HMGB1: variants seen among roughly 807,000 people sequenced by gnomAD.
HMGB1 encodes high mobility group protein B1.
For synonymous variants in HMGB1, 81 were observed against 84.0 expected (o/e 0.96, Z 0.19); for missense variants, 79 against 253.5 (o/e 0.31, Z 4.67).
chr13:30,468,873 C>T (rs572578453), upstream of HMGB1, among the ~76,000 whole-genome samples: 15 of 152,164 alleles, frequency 9.9e-5, no homozygotes, highest in Non-Finnish European at 1.6e-4. Context: ...TTTTACTTTA[C>T]AGTTATTGGG....
At chr13:30,605,578 C>A (rs748019703) in intron 1 of HMGB1, among the ~76,000 whole-genome samples, 1 of 152,144 alleles carries the variant, frequency 6.6e-6, no homozygotes, top group Non-Finnish European at 1.5e-5. Flanking sequence ...CCAATGCCGA[C>A]GTGGAAATGA....
chr13:30,471,654 CTTTTTTTTTT>C (rs1171119586), intron 1 of HMGB1, among the ~76,000 whole-genome samples: 2 of 30,616 alleles, frequency 6.5e-5, no homozygotes, highest in Non-Finnish European at 1.1e-4. Context: ...CGTGCCCGGC[CTTTTTTTTTT>C]TTTTTTTTTT....
intron 4 of HMGB1, 75 bp from the exon 5 acceptor site, chr13:30,461,608 T>A: frequency 6.4e-7 from 1 of 1,574,750 alleles, no homozygotes; most frequent in African/African-American, 1.4e-5. Context: ...ATGGCAGAAC[T>A]TTATGAAAGA....
At chr13:30,523,935 G>T (rs955647655) in intron 1 of HMGB1, among the ~76,000 whole-genome samples, 4 of 151,690 alleles carry the variant, frequency 2.6e-5, no homozygotes, top group Non-Finnish European at 4.4e-5. Flanking sequence ...GTAGAGAGGG[G>T]GTGTATTAGT....
rs969248 is a variant in HMGB1 at position 30,463,076 on chromosome 13, A to G, written c.296+131T>C. 17,105 of 919,330 alleles carry G rather than the reference A, an allele frequency of 0.019. 1,870 individuals carry two copies. In the African/African-American group the frequency reaches 0.25, roughly 13 times the overall value. The allele number at this position is 919,330 out of a possible 1,614,324, so 56.9% of individuals were successfully genotyped here. On this transcript the variant is annotated intron_variant, in intron 3 of 4. Transcript: ENST00000341423. ...ATTTTATACTATTTAAATATAACCA[A>G]TATGAACAAGTATTAGCTAAGAAAC...
At chr13:30,472,472 A>G (rs1411530579) in intron 1 of HMGB1, among the ~76,000 whole-genome samples, 1 of 152,146 alleles carries the variant, frequency 6.6e-6, no homozygotes, top group Admixed American at 6.6e-5. Flanking sequence ...ATGGTGGCGC[A>G]CACCTGTACT....
intron 1 of HMGB1, among the ~76,000 whole-genome samples, chr13:30,571,057 C>T (rs1210693379): frequency 3.3e-5 from 5 of 152,072 alleles, no homozygotes; most frequent in African/African-American, 1.2e-4. Context: ...GCATTCATTA[C>T]ATATATTTTC....
intron 1 of HMGB1, among the ~76,000 whole-genome samples, chr13:30,553,230 T>C (rs1451178103): frequency 2.6e-5 from 4 of 152,348 alleles, no homozygotes; most frequent in Middle Eastern, 3.4e-3. Flanking sequence ...GTCATTCTTC[T>C]GTCTTATCAC....
At chr13:30,578,686 A>T (rs1277686682) in intron 1 of HMGB1, among the ~76,000 whole-genome samples, 1 of 152,160 alleles carries the variant, frequency 6.6e-6, no homozygotes, top group East Asian at 1.9e-4. Context: ...ATATAAGAAG[A>T]AAGTCTAACC....
At chr13:30,499,565 T>A (rs1887689155) in intron 1 of HMGB1, among the ~76,000 whole-genome samples, 1 of 152,216 alleles carries the variant, frequency 6.6e-6, no homozygotes, top group Non-Finnish European at 1.5e-5. Context: ...ATCTTTCCAT[T>A]GTCATGAACA....
chr13:30,465,193 G>GGCT, intron 1 of HMGB1: 3 of 780,336 alleles, frequency 3.8e-6, no homozygotes, highest in Admixed American at 7.2e-5. Flanking sequence ...CCCGCCGCCC[G>GGCT]GCCGCCGCCG....
Position 30,459,375 on chromosome 13 carries a change from C to T in HMGB1, c.*1982G>A, listed in dbSNP as rs568918568. ...CTTAAAAAAATGGTAGTTGTCATGA[C>T]GTACCTACTAAAGTTACAAATTCTC... On this transcript the variant is annotated 3_prime_UTR_variant, in exon 5 of 5. Transcript: ENST00000341423. 6 of 152,116 alleles carry T rather than the reference C, an allele frequency of 3.9e-5. 1 individual carries two copies. In the South Asian group the frequency reaches 6.2e-4, roughly 16 times the overall value. 9.4% of individuals were successfully genotyped at this position (152,116 alleles called of 1,614,324 possible). A position where few individuals can be genotyped will look rare whatever the true frequency, so the allele number is the denominator to read the frequency against.
chr13:30,502,648 A>ATTTATTTTAT (rs56283529), intron 1 of HMGB1, among the ~76,000 whole-genome samples: 117,296 of 146,218 alleles, frequency 0.8, 51,574 homozygotes, highest in Non-Finnish European at 0.96. Context: ...ACTTTATTTT[A>ATTTATTTTAT]TTTATTTTAT....
intron 1 of HMGB1, among the ~76,000 whole-genome samples, chr13:30,521,414 C>T (rs1888235186): frequency 6.6e-6 from 1 of 152,184 alleles, no homozygotes; most frequent in Non-Finnish European, 1.5e-5. Flanking sequence ...CATTAATCTA[C>T]TTTTTATCTC....
At chr13:30,477,148 C>T (rs535751256) in intron 1 of HMGB1, among the ~76,000 whole-genome samples, 4 of 152,278 alleles carry the variant, frequency 2.6e-5, no homozygotes, top group East Asian at 3.9e-4. Context: ...CATAGGAATA[C>T]TGACATACGT....
At chr13:30,576,678 C>A (rs17074754) in intron 1 of HMGB1, among the ~76,000 whole-genome samples, 17,433 of 151,718 alleles carry the variant, frequency 0.11, 2,578 homozygotes, top group African/African-American at 0.35. Context: ...CGCTGCCTCT[C>A]TCCACATCAG....
At chr13:30,565,078 C>T in intron 1 of HMGB1, among the ~76,000 whole-genome samples, 1 of 152,144 alleles carries the variant, frequency 6.6e-6, no homozygotes, top group East Asian at 1.9e-4. Flanking sequence ...GAGATGAGAA[C>T]ATTCGGGCTC....
intron 1 of HMGB1, among the ~76,000 whole-genome samples, chr13:30,596,520 G>A (rs1238960796): frequency 6.6e-6 from 1 of 152,168 alleles, no homozygotes; most frequent in Non-Finnish European, 1.5e-5. Flanking sequence ...GAGAATTAAG[G>A]CTTAAGAAAG....
chr13:30,563,970 A>G (rs1892604392), intron 1 of HMGB1, among the ~76,000 whole-genome samples: 1 of 152,208 alleles, frequency 6.6e-6, no homozygotes, highest in Non-Finnish European at 1.5e-5. Context: ...TGGGAAACCT[A>G]TCTTGCTTTT....
Sources: gnomAD v4.1 joint callset for allele counts (sites outside exome capture counted in the v4.1 genomes callset) on GRCh38, gnomAD v4.1.1 for gene constraint, MANE v1.5 for transcripts, NCBI Gene and HGNC (gene_info 2026-07-23, HGNC 2026-07-21) for gene names.